SORCS2: variants seen among roughly 807,000 people sequenced by gnomAD.
SORCS2 encodes the protein VPS10 domain-containing receptor SorCS2.
SORCS2 carries 100 observed loss-of-function variants against 141.6 expected under a neutral mutation model. The ratio of observed to expected loss-of-function variants is 0.71; its 90% confidence interval spans 0.60 to 0.83. SORCS2 has a LOEUF of 0.83. Ranked by LOEUF, SORCS2 falls within the 40% of genes least tolerant of loss-of-function variation. The pLI is 0.00. For synonymous variants in SORCS2, 789 were observed against 676.9 expected (o/e 1.17, Z -2.57); for missense variants, 1,646 against 1,560.2 (o/e 1.05, Z -0.93).
At chr4:7,700,364 G>A (rs1182140785) in intron 12 of SORCS2, among the ~76,000 whole-genome samples, 1 of 152,222 alleles carries the variant, frequency 6.6e-6, no homozygotes, top group Non-Finnish European at 1.5e-5. Flanking sequence ...GCAAGTCACT[G>A]TCACTGTGCA....
chr4:7,276,296 G>A (rs759415741), intron 1 of SORCS2, among the ~76,000 whole-genome samples: 5 of 152,196 alleles, frequency 3.3e-5, no homozygotes, highest in Admixed American at 6.5e-5. Flanking sequence ...AAGGCAGCCT[G>A]CCCATGCCCT....
intron 2 of SORCS2, among the ~76,000 whole-genome samples, chr4:7,400,477 C>T (rs1164508650): frequency 3.3e-5 from 5 of 151,876 alleles, no homozygotes; most frequent in Non-Finnish European, 7.4e-5. Context: ...ACCACCACCA[C>T]CACCACCACC....
chr4:7,330,485 CA>C (rs1315498917), intron 1 of SORCS2, among the ~76,000 whole-genome samples: 1 of 151,652 alleles, frequency 6.6e-6, no homozygotes, highest in Non-Finnish European at 1.5e-5. Flanking sequence ...CGTCCAAGTC[CA>C]ATGCTGCCTG....
intron 1 of SORCS2, among the ~76,000 whole-genome samples, chr4:7,280,705 C>A (rs1715820655): frequency 6.6e-6 from 1 of 152,202 alleles, no homozygotes; most frequent in South Asian, 2.1e-4. Context: ...CGCATCCTCG[C>A]CAGCATTTTG....
At chr4:7,650,036 C>T (rs115675568) in intron 4 of SORCS2, among the ~76,000 whole-genome samples, 1 of 152,136 alleles carries the variant, frequency 6.6e-6, no homozygotes, top group Non-Finnish European at 1.5e-5. Context: ...GTTGAGTGGT[C>T]GGCTTGAGCC....
intron 1 of SORCS2, among the ~76,000 whole-genome samples, chr4:7,255,059 G>A (rs946458516): frequency 1.6e-4 from 25 of 152,004 alleles, no homozygotes; most frequent in South Asian, 6.2e-4. Flanking sequence ...GTGTGTGAGC[G>A]TGCGTGAGAG....
At chr4:7,733,267 T>C in intron 23 of SORCS2, 55 bp from the exon 24 acceptor site, 6 of 1,267,112 alleles carry the variant, frequency 4.7e-6, no homozygotes, top group Non-Finnish European at 6.3e-6. Flanking sequence ...CCCCTTCCCT[T>C]TTGGCAGAGG....
chr4:7,615,169 T>C (rs758336599), intron 3 of SORCS2, among the ~76,000 whole-genome samples: 3 of 152,200 alleles, frequency 2.0e-5, no homozygotes, highest in Admixed American at 2.0e-4. Context: ...ATTCATTCAT[T>C]CATCCATCTG....
At chr4:7,410,926 C>T (rs975229147) in intron 2 of SORCS2, among the ~76,000 whole-genome samples, 2 of 150,094 alleles carry the variant, frequency 1.3e-5, no homozygotes, top group African/African-American at 2.4e-5. Flanking sequence ...AGCCCCTGGG[C>T]CCAGCAGCCT....
Position 7,230,900 on chromosome 4 carries a change from C to T in SORCS2, c.480+37774C>T, listed in dbSNP as rs536696312. ...CTCTGGGCAGGAGCAGTGTCATGTG[C>T]TCTTGTATGAAGGAGATGAAGACAC... On this transcript the variant is annotated intron_variant, in intron 1 of 26. Transcript: ENST00000507866. Among the ~76,000 whole-genome samples the T allele has an allele frequency of 3.9e-5, 6 of 152,346 alleles. No individual in the cohort carries two copies. The East Asian group carries it at 1.2e-3, about 29-fold the overall frequency.
intron 2 of SORCS2, among the ~76,000 whole-genome samples, chr4:7,401,176 T>C (rs1434415824): frequency 1.3e-5 from 2 of 151,550 alleles, no homozygotes; most frequent in Non-Finnish European, 2.9e-5. Context: ...AGTGGATTGA[T>C]GGATGGATGG....
chr4:7,729,522 G>C (rs1727457196), intron 22 of SORCS2, 65 bp from the exon 23 acceptor site: 1 of 1,527,566 alleles, frequency 6.5e-7, no homozygotes, highest in African/African-American at 1.4e-5. Flanking sequence ...TGTTCCTGGG[G>C]GCCCCAGTAT....
intron 2 of SORCS2, among the ~76,000 whole-genome samples, chr4:7,445,356 G>A (rs1727919581): frequency 6.6e-6 from 1 of 152,162 alleles, no homozygotes; most frequent in Non-Finnish European, 1.5e-5. Context: ...AGCCAGGGTT[G>A]ATGGGGGAGA....
At chr4:7,580,674 G>A (rs1488056074) in intron 3 of SORCS2, among the ~76,000 whole-genome samples, 1 of 152,172 alleles carries the variant, frequency 6.6e-6, no homozygotes, top group African/African-American at 2.4e-5. Flanking sequence ...ATGGGCAGCA[G>A]CAAGCATCCC....
At chr4:7,643,544 TG>T (rs1387040242) in intron 4 of SORCS2, among the ~76,000 whole-genome samples, 2 of 152,158 alleles carry the variant, frequency 1.3e-5, no homozygotes, top group African/African-American at 4.8e-5. Context: ...AAGACACCTT[TG>T]GGTGGGCAAT....
intron 2 of SORCS2, chr4:7,433,714 G>T: frequency 6.2e-7 from 1 of 1,612,980 alleles, no homozygotes; most frequent in Non-Finnish European, 8.5e-7. Context: ...CTGGTTCTCC[G>T]CGTCCCACTC....
chr4:7,433,970 G>A, intron 2 of SORCS2: 2 of 1,613,790 alleles, frequency 1.2e-6, no homozygotes, highest in South Asian at 1.1e-5. Flanking sequence ...CAGTGGTCCA[G>A]CTTCTGCACC....
chr4:7,560,631 A>G (rs1392457291), intron 3 of SORCS2, among the ~76,000 whole-genome samples: 2 of 152,156 alleles, frequency 1.3e-5, no homozygotes, highest in Non-Finnish European at 2.9e-5. Flanking sequence ...TTTGAAGGAC[A>G]GTAAAGAAAT....
chr4:7,423,395 T>C (rs1430538535), intron 2 of SORCS2, among the ~76,000 whole-genome samples: 1 of 152,170 alleles, frequency 6.6e-6, no homozygotes, highest in Non-Finnish European at 1.5e-5. Flanking sequence ...AGAGCTCTCC[T>C]GTGGTGTGGA....
Sources: allele counts gnomAD v4.1 joint callset (sites outside exome capture counted in the v4.1 genomes callset), GRCh38; gene constraint gnomAD v4.1.1; transcripts MANE v1.5; gene names NCBI Gene and HGNC (gene_info 2026-07-23, HGNC 2026-07-21).